The following PPP3CC variants were observed in gnomAD, a reference collection of about 807,000 sequenced individuals.
PPP3CC encodes serine/threonine-protein phosphatase 2B catalytic subunit gamma isoform.
Under a neutral mutation model 60.3 loss-of-function variants are expected in PPP3CC, and 35 were observed. That is an observed-to-expected ratio of 0.58 (90% CI 0.44 to 0.77). The LOEUF (loss-of-function observed/expected upper bound fraction) is 0.77. PPP3CC is among the 30% of genes least tolerant of loss of function. PPP3CC has a pLI of 0.00. For missense variants in PPP3CC, 570 were observed against 628.9 expected, an observed-to-expected ratio of 0.91 and a Z score of 1.00; for synonymous variants, 206 against 224.3, an observed-to-expected ratio of 0.92 and a Z score of 0.73.
At chr8:22,514,979 C>T (rs1839204466) in intron 6 of PPP3CC, among the ~76,000 whole-genome samples, 1 of 151,946 alleles carries the variant, frequency 6.6e-6, no homozygotes, top group Admixed American at 6.6e-5. Context: ...TGGCCGGCCT[C>T]TTCTAGTTAT....
At chr8:22,526,384 T>C (rs1014676329) in intron 8 of PPP3CC, among the ~76,000 whole-genome samples, 2 of 152,208 alleles carry the variant, frequency 1.3e-5, no homozygotes, top group African/African-American at 4.8e-5. Context: ...ATATATGACA[T>C]ATTTACCTAA....
intron 4 of PPP3CC, among the ~76,000 whole-genome samples, chr8:22,503,888 G>C (rs898674956): frequency 6.6e-6 from 1 of 152,164 alleles, no homozygotes; most frequent in Non-Finnish European, 1.5e-5. Context: ...TTTTATTCTT[G>C]TATAAGGAGA....
intron 4 of PPP3CC, among the ~76,000 whole-genome samples, chr8:22,505,632 G>C (rs902368982): frequency 6.6e-6 from 1 of 152,094 alleles, no homozygotes; most frequent in Non-Finnish European, 1.5e-5. Context: ...GAATTAAATT[G>C]ACATGAGATA....
intron 1 of PPP3CC, among the ~76,000 whole-genome samples, chr8:22,457,466 C>T (rs1837237736): frequency 6.6e-6 from 1 of 151,930 alleles, no homozygotes. Flanking sequence ...CCATGCCCGA[C>T]TAATTTTTGT....
intron 1 of PPP3CC, among the ~76,000 whole-genome samples, chr8:22,451,890 A>C (rs758176576): frequency 2.0e-5 from 3 of 152,190 alleles, no homozygotes; most frequent in Non-Finnish European, 4.4e-5. Flanking sequence ...GTATATGCAA[A>C]TATTCCCAAA....
chr8:22,508,266 T>C (rs961122053), intron 4 of PPP3CC, among the ~76,000 whole-genome samples: 1 of 152,056 alleles, frequency 6.6e-6, no homozygotes, highest in Non-Finnish European at 1.5e-5. Context: ...AAAAATTTTT[T>C]TAAAAGGTGG....
At chr8:22,463,977 G>A (rs1019743106) in intron 1 of PPP3CC, among the ~76,000 whole-genome samples, 9 of 151,994 alleles carry the variant, frequency 5.9e-5, no homozygotes, top group Admixed American at 1.3e-4. Context: ...TAAGAGAGAT[G>A]GGGTTTCACC....
At chr8:22,519,183 A>T (rs1839337519) in intron 6 of PPP3CC, among the ~76,000 whole-genome samples, 1 of 152,202 alleles carries the variant, frequency 6.6e-6, no homozygotes, top group African/African-American at 2.4e-5. Context: ...TTTGTCTGAT[A>T]AAAGTTTAGC....
Position 22,540,750 on chromosome 8 carries a change from C to T in PPP3CC, c.1487C>T (p.Ala496Val). ...GGGCCAATGAAATCTGTAACCTCAGCACACTCACATGCTGCGCACAGGAGC... is the reference window on the plus strand; with the variant it reads ...GGGCCAATGAAATCTGTAACCTCAGTACACTCACATGCTGCGCACAGGAGC... The part of the protein sequence containing the change: ...AGGPMKSVTS[A>V]HSHAAHRSDQ... Residue 496 changes from alanine to valine, a missense_variant, in exon 14 of 14, where the codon GCA becomes GTA. Ala to Val is a moderately conservative substitution (Grantham distance 64). Coordinates refer to ENST00000240139, the MANE Select transcript of PPP3CC (RefSeq NM_005605.5). 3 of 1,614,084 alleles carry T rather than the reference C, an allele frequency of 1.9e-6. No individual in the cohort carries two copies. Among genetic ancestry groups the T allele is most frequent in the Middle Eastern group, 3.3e-4 (2 of 6,056 alleles).
intron 1 of PPP3CC, among the ~76,000 whole-genome samples, chr8:22,455,388 T>C (rs1013543370): frequency 5.3e-5 from 8 of 152,240 alleles, no homozygotes; most frequent in African/African-American, 4.8e-5. Context: ...TTTGTTCCCT[T>C]GATCTATAAA....
intron 4 of PPP3CC, among the ~76,000 whole-genome samples, chr8:22,507,510 G>T (rs1009499664): frequency 1.3e-5 from 2 of 152,200 alleles, no homozygotes; most frequent in Admixed American, 6.5e-5. Flanking sequence ...TTAAGAGCAT[G>T]AACAGGTTTA....
At chr8:22,491,957 T>C (rs1838418062) in intron 3 of PPP3CC, among the ~76,000 whole-genome samples, 1 of 152,210 alleles carries the variant, frequency 6.6e-6, no homozygotes, top group Admixed American at 6.5e-5. Context: ...ACTTTCAGCA[T>C]TGTGTCAAAA....
Position 22,510,119 on chromosome 8 carries a change from G to A in PPP3CC, c.485-967G>A, listed in dbSNP as rs1000923651. Among the ~76,000 whole-genome samples, 14 of 149,934 alleles carry A rather than the reference G, an allele frequency of 9.3e-5. No homozygotes were observed. In the South Asian group the frequency reaches 2.7e-3, roughly 29 times the overall value. ...GAATTGCAAGAACCCGGAAGGCAGA[G>A]CTGCAGTGAGCTAAGATCCCGCTAC... On this transcript the variant is annotated intron_variant, in intron 4 of 13. Coordinates refer to ENST00000240139, the MANE Select transcript of PPP3CC (RefSeq NM_005605.5).
chr8:22,462,744 T>C (rs1181733251), intron 1 of PPP3CC, among the ~76,000 whole-genome samples: 2 of 152,106 alleles, frequency 1.3e-5, no homozygotes, highest in African/African-American at 2.4e-5. Flanking sequence ...CTAATTTTTG[T>C]ATTTTTAGTA....
At chr8:22,522,847 A>G (rs1839445009) in intron 8 of PPP3CC, 98 bp downstream of exon 8, 5 of 902,580 alleles carry the variant, frequency 5.5e-6, no homozygotes, top group Non-Finnish European at 8.2e-6. Flanking sequence ...ATTTTAAAAC[A>G]TAAATTTTAA....
At chr8:22,468,792 A>G (rs938129887) in intron 1 of PPP3CC, among the ~76,000 whole-genome samples, 1 of 152,150 alleles carries the variant, frequency 6.6e-6, no homozygotes, top group African/African-American at 2.4e-5. Context: ...ATGACAATCT[A>G]TTTTCAAGAA....
chr8:22,483,439 G>C (rs773847656), intron 3 of PPP3CC, among the ~76,000 whole-genome samples: 1 of 151,850 alleles, frequency 6.6e-6, no homozygotes, highest in Admixed American at 6.6e-5. Context: ...GGCATGTGCC[G>C]CTACGCCCGG....
At chr8:22,514,140 G>A (rs1839171636) in intron 6 of PPP3CC, among the ~76,000 whole-genome samples, 1 of 151,452 alleles carries the variant, frequency 6.6e-6, no homozygotes, top group African/African-American at 2.4e-5. Context: ...CCAGCTAATT[G>A]GGAGACTTCA....
intron 4 of PPP3CC, among the ~76,000 whole-genome samples, chr8:22,505,692 A>T (rs1187651259): frequency 6.6e-6 from 1 of 152,216 alleles, no homozygotes; most frequent in Non-Finnish European, 1.5e-5. Context: ...GTTCTACATG[A>T]CATAGGAGCC....
Sources: allele counts gnomAD v4.1 joint callset (sites outside exome capture counted in the v4.1 genomes callset), GRCh38; gene constraint gnomAD v4.1.1; transcripts MANE v1.5; gene names NCBI Gene and HGNC (gene_info 2026-07-23, HGNC 2026-07-21).